Variants in RNF123 observed in about 807,000 individuals in gnomAD.
RNF123 encodes E3 ubiquitin-protein ligase RNF123.
RNF123 carries 86 observed loss-of-function variants against 168.5 expected under a neutral mutation model. The observed-to-expected ratio is 0.51, with a 90% CI of 0.43 to 0.61. RNF123 has a LOEUF of 0.61. RNF123 is among the 20% of genes least tolerant of loss of function. The probability of loss-of-function intolerance (pLI) is 0.00; values close to 1 mark genes in which losing one functional copy is unlikely to be tolerated. For synonymous variants in RNF123, 666 were observed against 689.1 expected (o/e 0.97, Z 0.52); for missense variants, 1,419 against 1,729.7 (o/e 0.82, Z 3.19).
rs770735306 is a variant in RNF123, at chr3:49,713,770, A to G, written c.2782A>G (p.Ser928Gly). ...IRDSLMQALASYVCYPHSLRA... is the reference protein window; with the variant it reads ...IRDSLMQALAGYVCYPHSLRA... ...AGACTCACTGATGCAGGCCCTGGCC[A>G]GCTACGTGTGCTACCCACACTCCCT... Residue 928 changes from serine (S) to glycine (G), a missense_variant, in exon 29 of 39, where the codon AGC becomes GGC. Ser to Gly is a moderately conservative substitution (Grantham distance 56). Coordinates refer to ENST00000327697, the MANE Select transcript of RNF123 (RefSeq NM_022064.5). 6.2e-6 allele frequency: 10 copies of G among 1,609,938 alleles called. No individual in the cohort carries two copies. The highest frequency in any genetic ancestry group is 5.0e-5 in the Admixed American group (3 of 59,584).
At chr3:49,704,605 CT>C (rs773441306) in intron 21 of RNF123, 44 bp from the exon 22 acceptor site, 2 of 1,527,092 alleles carry the variant, frequency 1.3e-6, no homozygotes. Context: ...ACTGTGGCCC[CT>C]TGCGCCACCA....
At chr3:49,720,737 G>A (rs1457049404) in intron 36 of RNF123, 63 bp from the exon 37 acceptor site, 13 of 1,611,066 alleles carry the variant, frequency 8.1e-6, no homozygotes, top group Non-Finnish European at 1.1e-5. Flanking sequence ...CCTAGGCTGG[G>A]AATATTCAAG....
intron 26 of RNF123, among the ~76,000 whole-genome samples, chr3:49,710,400 C>G (rs1259116953): frequency 6.6e-6 from 1 of 152,142 alleles, no homozygotes; most frequent in Non-Finnish European, 1.5e-5. Flanking sequence ...CCACCTCGGC[C>G]TCCTGAGTAG....
intron 32 of RNF123, 37 bp from the exon 33 acceptor site, chr3:49,715,785 G>A (rs771902778): frequency 9.3e-6 from 15 of 1,613,796 alleles, no homozygotes; most frequent in African/African-American, 2.7e-5. Flanking sequence ...CTAGAGCCAG[G>A]TGCTGACCAC....
At chr3:49,693,481 C>T (rs1319514259) in intron 3 of RNF123, among the ~76,000 whole-genome samples, 2 of 151,392 alleles carry the variant, frequency 1.3e-5, no homozygotes, top group Non-Finnish European at 2.9e-5. Context: ...CTCAGCCTCC[C>T]GAGTAGCTGG....
rs2080193227 is a variant in RNF123 at position 49,713,997 on chromosome 3, G to A, written c.2925G>A (p.Arg975=). 2.5e-6 allele frequency: 4 copies of A among 1,614,074 alleles called. No individual in the cohort carries two copies. Among genetic ancestry groups the A allele is most frequent in the Non-Finnish European group, 3.4e-6 (4 of 1,179,994 alleles). ...ACTGGATCCTGGTGCGGCTCTGGAG[G>A]GTAAGCCTGACTCGAGGGGAAGTGG... is the stretch of plus-strand genomic sequence containing the variant. ...QTNWILVRLW[R]GCGFGYRYTR... The change falls in exon 30 of 39, where the codon AGG becomes AGA. Residue 975 remains arginine (R), a splice_region_variant and synonymous_variant. Coordinates refer to ENST00000327697, the MANE Select transcript of RNF123 (RefSeq NM_022064.5).
Position 49,714,093 on chromosome 3 carries a change from T to C in RNF123, c.2929T>C (p.Cys977Arg), listed in dbSNP as rs1311095635. Residue 977 changes from cysteine (C) to arginine (R), a missense_variant, in exon 31 of 39, where the codon TGT (cysteine) becomes CGT (arginine). By Grantham distance (180) the Cys-to-Arg change is radical. Around this residue, in one of 5 missense-constraint regions of RNF123, gnomAD observed 538 missense variants for 708.8 expected, o/e 0.76. Transcript: ENST00000327697. ...GCACTGACCCCCACCTCCACAGGGC[T>C]GTGGCTTCGGGTACCGCTATACACG... The part of the protein sequence containing the change: ...NWILVRLWRG[C>R]GFGYRYTRLP... The C allele has an allele frequency of 1.2e-6, 2 of 1,613,986 alleles. No homozygotes were observed. Among genetic ancestry groups the C allele is most frequent in the Non-Finnish European group, 1.7e-6 (2 of 1,180,032 alleles).
At chr3:49,719,036 G>C in intron 35 of RNF123, 3 of 1,613,884 alleles carry the variant, frequency 1.9e-6, no homozygotes, top group Non-Finnish European at 2.5e-6. Context: ...TGCACCAAGC[G>C]GTTATTGAAC....
At chr3:49,719,110 T>C in intron 35 of RNF123, 2 of 1,613,532 alleles carry the variant, frequency 1.2e-6, no homozygotes, top group Non-Finnish European at 1.7e-6. Flanking sequence ...CCGCAACGTG[T>C]TAGATGATAG....
In RNF123 at chr3:49,718,707, G is replaced by A. The variant is rs764954435; in HGVS notation, c.3501-1804G>A. 3 of 1,613,030 alleles carry A rather than the reference G, an allele frequency of 1.9e-6. No individual in the cohort carries two copies. In the South Asian group the frequency reaches 3.3e-5, roughly 18 times the overall value. On this transcript the variant is annotated intron_variant, in intron 35 of 38. Transcript: ENST00000327697. ...GCACGCGGGACGCGGGTACCTTGAAGGCCAAGCATACGTACTCGCGCGCAA... is the reference window on the plus strand; with the variant it reads ...GCACGCGGGACGCGGGTACCTTGAAAGCCAAGCATACGTACTCGCGCGCAA...
Position 49,698,486 on chromosome 3 carries a change from G to C in RNF123, c.530G>C (p.Arg177Pro). ...AACTCCTATGCCTATGATGGCAACC[G>C]CGTGCGCAAGTGGAATGTGACCACA... Reference protein sequence around the residue: ...THNSYAYDGNRVRKWNVTTTN... With the variant: ...THNSYAYDGNPVRKWNVTTTN... The change falls in exon 8 of 39, where the codon CGC (arginine) becomes CCC (proline). Residue 177 changes from arginine to proline, a missense_variant. Transcript: ENST00000327697. The C allele has an allele frequency of 1.2e-6, 2 of 1,613,954 alleles. No individual in the cohort carries two copies. The highest frequency in any genetic ancestry group is 1.7e-6 in the Non-Finnish European group (2 of 1,180,022).
chr3:49,702,888 T>C, intron 20 of RNF123, 135 bp downstream of exon 20: 1 of 1,364,672 alleles, frequency 7.3e-7, no homozygotes, highest in East Asian at 2.3e-5. Context: ...CCTGGTTGAG[T>C]CCTACCCAGC....
In RNF123 at chr3:49,699,165, G is replaced by A; in HGVS notation, c.764+60G>A. ...GAAGCTCTTGGGGAGGCTGGGATGA[G>A]GGGCTCCCTACCCCAGGGGTGCCAT... On this transcript the variant is annotated intron_variant, in intron 10 of 38. Coordinates refer to ENST00000327697, the MANE Select transcript of RNF123 (RefSeq NM_022064.5). This position sits in a 1 kb window ranked among gnomAD's most constrained non-coding sequence, Gnocchi z 4.8. The A allele has an allele frequency of 6.4e-7, 1 of 1,572,758 alleles. No homozygotes were observed. Among genetic ancestry groups the A allele is most frequent in the Non-Finnish European group, 8.6e-7 (1 of 1,160,838 alleles).
At chr3:49,705,473 A>C (rs2054497132) in intron 23 of RNF123, 61 bp from the exon 24 acceptor site, 4 of 1,525,366 alleles carry the variant, frequency 2.6e-6, no homozygotes, top group Non-Finnish European at 3.5e-6. Context: ...TCCTGCTGTG[A>C]GGCAGGCTCA....
At chr3:49,718,495 G>T in intron 35 of RNF123, 1 of 1,613,128 alleles carries the variant, frequency 6.2e-7, no homozygotes, top group Non-Finnish European at 8.5e-7. Flanking sequence ...GCCATCGCGG[G>T]ATCCTGGCGC....
intron 32 of RNF123, 33 bp downstream of exon 32, chr3:49,715,747 G>C: frequency 6.2e-7 from 1 of 1,614,184 alleles, no homozygotes; most frequent in Non-Finnish European, 8.5e-7. Flanking sequence ...GGGTTAGGGT[G>C]GTGCAAGGGA....
chr3:49,701,543 G>A lies in RNF123; in HGVS notation c.1330G>A (p.Val444Met). 1 of 1,613,856 alleles carries A rather than the reference G, an allele frequency of 6.2e-7. No homozygotes were observed. ...VFFYIKSPLR[V>M]EEAGLQELIP... ...CTTTTACATCAAGAGCCCCCTGCGT[G>A]TGGAGGAGGCCGGCCTGCAGGAGCT... Residue 444 changes from valine (V) to methionine (M), a missense_variant, in exon 16 of 39, where the codon GTG becomes ATG. This residue lies in a region of RNF123 where 349 missense variants were observed against 344.9 expected (regional missense o/e 1.01). Transcript: ENST00000327697.
chr3:49,701,917 C>T lies in RNF123; in HGVS notation c.1495+7C>T, dbSNP rs994602421. The T allele has an allele frequency of 9.6e-6, 15 of 1,559,170 alleles. No individual in the cohort carries two copies. The highest frequency in any genetic ancestry group is 1.3e-5 in the Non-Finnish European group (15 of 1,151,108). ...CTCAGGAAGCGCATCGAAGGTCAGCCCGCCTTGGGCACGGGGTAGGGTGGG... is the reference window on the plus strand; with the variant it reads ...CTCAGGAAGCGCATCGAAGGTCAGCTCGCCTTGGGCACGGGGTAGGGTGGG... On this transcript the variant is annotated splice_region_variant and intron_variant, in intron 17 of 38. Coordinates refer to ENST00000327697, the MANE Select transcript of RNF123 (RefSeq NM_022064.5).
At position 49,692,722 on chromosome 3, in the gene RNF123, A is replaced by T. The variant is rs185743756; in HGVS notation, c.167+1213A>T. ...CTGTCACAAATAAGTGATAACATGC[A>T]ATGTTTGTCTTTTTCTGCCTGGCTT... On this transcript the variant is annotated intron_variant, in intron 3 of 38. Coordinates refer to ENST00000327697, the MANE Select transcript of RNF123 (RefSeq NM_022064.5). 3.3e-5 allele frequency among the ~76,000 whole-genome samples: 5 copies of T among 152,326 alleles called. No individual in the cohort carries two copies. In the East Asian group the frequency reaches 9.6e-4, roughly 29 times the overall value.
Sources: allele counts gnomAD v4.1 joint callset (sites outside exome capture counted in the v4.1 genomes callset), GRCh38; gene constraint gnomAD v4.1.1; regional missense constraint gnomAD v4.1.1; non-coding constraint Gnocchi (gnomAD v3.1); transcripts MANE v1.5; gene names NCBI Gene and HGNC (gene_info 2026-07-23, HGNC 2026-07-21).